Variants in UBE2D2 observed in about 807,000 individuals in gnomAD.
The protein encoded by UBE2D2 is ubiquitin-conjugating enzyme E2 D2.
UBE2D2 carries 2 observed loss-of-function variants against 24.2 expected under a neutral mutation model. The observed-to-expected ratio is 0.08, with a 90% confidence interval of 0.03 to 0.26. The LOEUF is 0.26. Among genes scored for constraint, UBE2D2 ranks in the 10% least tolerant of loss-of-function variants. The pLI, the probability that UBE2D2 is intolerant of heterozygous loss-of-function variation, is 1.00. For synonymous variants in UBE2D2, 58 were observed against 56.5 expected (o/e 1.03, Z -0.12); for missense variants, 44 against 177.6 (o/e 0.25, Z 4.28).
At chr5:139,577,005 A>G (rs1271887578) in intron 1 of UBE2D2, among the ~76,000 whole-genome samples, 1 of 127,020 alleles carries the variant, frequency 7.9e-6, no homozygotes, top group Admixed American at 8.3e-5. Flanking sequence ...TATTCATATG[A>G]ATTTTGCAAA....
intron 1 of UBE2D2, among the ~76,000 whole-genome samples, chr5:139,529,480 C>T (rs1054309960): frequency 1.3e-5 from 2 of 152,162 alleles, no homozygotes; most frequent in East Asian, 3.9e-4. Context: ...CATATTTATG[C>T]GAGATGTGTC....
At chr5:139,548,163 CAAAAAAA>C (rs749269739) in intron 1 of UBE2D2, among the ~76,000 whole-genome samples, 5 of 33,008 alleles carry the variant, frequency 1.5e-4, no homozygotes, top group East Asian at 3.4e-3. Context: ...GACTCCGTCT[CAAAAAAA>C]AAAAAAAAAA....
chr5:139,551,075 G>A (rs975015897), intron 1 of UBE2D2, among the ~76,000 whole-genome samples: 1 of 152,072 alleles, frequency 6.6e-6, no homozygotes, highest in African/African-American at 2.4e-5. Context: ...GGGGAGGGGG[G>A]AGGTCACACC....
rs527419954 is a variant in UBE2D2, at chr5:139,573,602, T to C, written c.24+11787T>C. Among the ~76,000 whole-genome samples the C allele has an allele frequency of 3.9e-5, 6 of 152,270 alleles. No homozygotes were observed. In the East Asian group the frequency reaches 1.2e-3, roughly 29 times the overall value. ...CCTAATTTTTCTGAAAAATGCCTGT[T>C]CTTTGCTTGTGTTTATTTTGAAATA... On this transcript the variant is annotated intron_variant, in intron 1 of 6. Transcript: ENST00000398733.
chr5:139,577,957 G>A (rs1458165808), intron 1 of UBE2D2, among the ~76,000 whole-genome samples: 5 of 152,234 alleles, frequency 3.3e-5, no homozygotes, highest in Non-Finnish European at 7.3e-5. Flanking sequence ...TGGTGGAGGA[G>A]ATCCTTGCGC....
intron 1 of UBE2D2, among the ~76,000 whole-genome samples, chr5:139,578,004 G>T (rs949107813): frequency 6.6e-6 from 1 of 152,216 alleles, no homozygotes; most frequent in African/African-American, 2.4e-5. Context: ...TCGCATTTCA[G>T]TGTTTCCTTT....
At chr5:139,553,154 C>T (rs141517289) in intron 1 of UBE2D2, among the ~76,000 whole-genome samples, 5 of 152,292 alleles carry the variant, frequency 3.3e-5, no homozygotes, top group African/African-American at 1.2e-4. Flanking sequence ...TATCATCTTA[C>T]AGAGTCTAGA....
chr5:139,561,080 G>A (rs942234192), upstream of UBE2D2: 3 of 152,694 alleles, frequency 2.0e-5, no homozygotes, highest in Non-Finnish European at 2.9e-5. Context: ...ACACGCGCGT[G>A]GGTTTCCATC....
At chr5:139,588,285 A>G (rs1240970972) in intron 1 of UBE2D2, among the ~76,000 whole-genome samples, 1 of 151,078 alleles carries the variant, frequency 6.6e-6, no homozygotes, top group South Asian at 2.1e-4. Flanking sequence ...GTTTTGAGAC[A>G]GAGGGAGTTT....
At chr5:139,578,127 G>T (rs949150333) in intron 1 of UBE2D2, among the ~76,000 whole-genome samples, 5 of 152,036 alleles carry the variant, frequency 3.3e-5, no homozygotes, top group Non-Finnish European at 7.4e-5. Context: ...ACATAGAGTG[G>T]GTAGAGAGCA....
chr5:139,590,956 A>G (rs1753834412), intron 1 of UBE2D2, among the ~76,000 whole-genome samples: 1 of 151,296 alleles, frequency 6.6e-6, no homozygotes, highest in African/African-American at 2.4e-5. Flanking sequence ...CACCATGCCC[A>G]GCTAATTATG....
At chr5:139,625,060 C>G (rs533620459) in intron 6 of UBE2D2, among the ~76,000 whole-genome samples, 4 of 151,300 alleles carry the variant, frequency 2.6e-5, no homozygotes, top group African/African-American at 7.3e-5. Flanking sequence ...TCTAACCCCC[C>G]ACTTTTTTTT....
intron 1 of UBE2D2, among the ~76,000 whole-genome samples, chr5:139,590,080 G>A (rs1374855583): frequency 6.6e-6 from 1 of 152,020 alleles, no homozygotes; most frequent in Admixed American, 6.6e-5. Context: ...CATTGCACCT[G>A]GCCAGGGGTT....
At chr5:139,549,375 G>C (rs559682448) in intron 1 of UBE2D2, among the ~76,000 whole-genome samples, 2 of 152,204 alleles carry the variant, frequency 1.3e-5, no homozygotes, top group Middle Eastern at 3.2e-3. Flanking sequence ...GGGGCTGCGC[G>C]CATGGCACTC....
chr5:139,614,863 T>C lies in UBE2D2; in HGVS notation c.201T>C (p.Val67=), dbSNP rs1396464179. 1 of 1,613,486 alleles carries C rather than the reference T, an allele frequency of 6.2e-7. No individual in the cohort carries two copies. Among genetic ancestry groups the C allele is most frequent in the Middle Eastern group, 1.7e-4 (1 of 6,058 alleles). The change falls in exon 5 of 7, where the codon GTT becomes GTC. Residue 67 remains valine (V), a splice_region_variant and synonymous_variant. Transcript: ENST00000398733. ...PTDYPFKPPK[V]AFTTRIYHPN... ...GAAAGTTTCCTTTCTTTCTGTAGGT[T>C]GCATTTACAACAAGAATTTATCATC...
chr5:139,551,068 G>A (rs988859117), intron 1 of UBE2D2, among the ~76,000 whole-genome samples: 1 of 152,184 alleles, frequency 6.6e-6, no homozygotes, highest in Non-Finnish European at 1.5e-5. Flanking sequence ...ACCGGCGGGG[G>A]AGGGGGGAGG....
intron 1 of UBE2D2, among the ~76,000 whole-genome samples, chr5:139,550,517 A>C (rs1383317706): frequency 2.0e-5 from 3 of 152,148 alleles, no homozygotes; most frequent in African/African-American, 7.2e-5. Context: ...GAATAAAAGC[A>C]GGCTGCCTGC....
chr5:139,623,301 C>T (rs961873652), intron 5 of UBE2D2, 67 bp from the exon 6 acceptor site: 33 of 1,133,584 alleles, frequency 2.9e-5, no homozygotes, highest in African/African-American at 6.2e-5. Context: ...CATGTTTTGG[C>T]GTCTCATGTT....
chr5:139,554,864 T>C (rs1752960768), intron 1 of UBE2D2: 1 of 152,134 alleles, frequency 6.6e-6, no homozygotes, highest in Non-Finnish European at 1.5e-5. Context: ...TTTTAGCCAT[T>C]CTAGTGGGTA....
Sources: gnomAD v4.1 joint callset for allele counts (sites outside exome capture counted in the v4.1 genomes callset) on GRCh38, gnomAD v4.1.1 for gene constraint, MANE v1.5 for transcripts, NCBI Gene and HGNC (gene_info 2026-07-23, HGNC 2026-07-21) for gene names.